Variants in RAB38 observed in about 807,000 individuals in gnomAD.
RAB38 encodes the protein RAB38, member RAS oncogene family, also known as ras-related protein Rab-38.
Under a neutral mutation model 18.4 loss-of-function variants are expected in RAB38, and 15 were observed. The ratio of observed to expected loss-of-function variants is 0.82; its 90% CI spans 0.55 to 1.26. RAB38 has a LOEUF of 1.26. RAB38 is among the 50% of genes most tolerant of loss of function. RAB38 has a pLI of 0.00. For missense variants in RAB38, 294 were observed against 267.4 expected, an observed-to-expected ratio of 1.10 and a Z score of -0.69; for synonymous variants, 101 against 104.4, an observed-to-expected ratio of 0.97 and a Z score of 0.20.
At chr11:87,815,196 C>T in the RAB38 span, 1 of 152,160 alleles carries the variant, frequency 6.6e-6, no homozygotes, top group Admixed American at 6.5e-5. Context: ...CCAGAAAAGG[C>T]ACTGACTTCA....
At chr11:88,079,995 A>G in the RAB38 span, among the ~76,000 whole-genome samples, 1 of 151,804 alleles carries the variant, frequency 6.6e-6, no homozygotes, top group African/African-American at 2.4e-5. Flanking sequence ...AGATAGGAAT[A>G]TATACTATCA....
At chr11:88,011,814 G>T in the RAB38 span, among the ~76,000 whole-genome samples, 1 of 152,174 alleles carries the variant, frequency 6.6e-6, no homozygotes, top group African/African-American at 2.4e-5. Context: ...AAGTCAGACA[G>T]TAGGTAAGCA....
At chr11:87,977,887 T>TTATATATTTATATATAATTATATA in the RAB38 span, among the ~76,000 whole-genome samples, 3 of 112,274 alleles carry the variant, frequency 2.7e-5, no homozygotes, top group East Asian at 2.6e-4. Flanking sequence ...AAAGATGTAG[T>TTATATATTTATATATAATTATATA]CATAGATTTA....
the RAB38 span, among the ~76,000 whole-genome samples, chr11:87,966,035 C>T: frequency 6.1e-4 from 92 of 151,988 alleles, no homozygotes; most frequent in Non-Finnish European, 8.4e-4. Context: ...GACATCAAGC[C>T]CAGGAAAGGT....
the RAB38 span, among the ~76,000 whole-genome samples, chr11:87,838,101 TTTTTTA>T: frequency 1.1e-4 from 16 of 150,462 alleles, no homozygotes; most frequent in African/African-American, 3.9e-4. Context: ...CTTACATTCT[TTTTTTA>T]TTTTTATTTT....
chr11:87,853,310 T>A, the RAB38 span, among the ~76,000 whole-genome samples: 1 of 152,164 alleles, frequency 6.6e-6, no homozygotes, highest in Non-Finnish European at 1.5e-5. Context: ...TAGGTTTAGA[T>A]GAGTTCATGA....
At chr11:87,899,683 A>G in the RAB38 span, among the ~76,000 whole-genome samples, 1 of 151,650 alleles carries the variant, frequency 6.6e-6, no homozygotes, top group Non-Finnish European at 1.5e-5. Context: ...AGATTCCCCT[A>G]TAAGCTCAGG....
rs1942510568 is a variant in RAB38, at chr11:88,113,942, G to A, written c.*46C>T. ...AATGGTAAAAATAGAGGCACAATTT[G>A]TGGAACAATGAGGTCATTCCTACCA... is the stretch of plus-strand genomic sequence containing the variant. On this transcript the variant is annotated 3_prime_UTR_variant, in exon 3 of 3. Coordinates refer to ENST00000243662, the MANE Select transcript of RAB38 (RefSeq NM_022337.3). The A allele has an allele frequency of 1.9e-6, 3 of 1,608,278 alleles. No individual in the cohort carries two copies. The highest frequency in any genetic ancestry group is 2.6e-6 in the Non-Finnish European group (3 of 1,174,964).
chr11:88,008,052 A>G, the RAB38 span, among the ~76,000 whole-genome samples: 1 of 152,108 alleles, frequency 6.6e-6, no homozygotes, highest in Non-Finnish European at 1.5e-5. Flanking sequence ...GTAAATCAGG[A>G]GAGTTGTGAC....
the RAB38 span, among the ~76,000 whole-genome samples, chr11:87,936,707 C>A: frequency 6.6e-6 from 1 of 151,948 alleles, no homozygotes; most frequent in Non-Finnish European, 1.5e-5. Context: ...TGTCTATAAC[C>A]ACAAAAAATC....
At chr11:87,895,261 G>C in the RAB38 span, among the ~76,000 whole-genome samples, 1 of 151,560 alleles carries the variant, frequency 6.6e-6, no homozygotes, top group Non-Finnish European at 1.5e-5. Flanking sequence ...ACACAGCACA[G>C]ATGATGGGGA....
the RAB38 span, among the ~76,000 whole-genome samples, chr11:88,055,464 G>C: frequency 7.2e-3 from 1,092 of 152,258 alleles, 14 homozygotes; most frequent in African/African-American, 0.025. Context: ...AGTTGAGATA[G>C]GTATGAAGAG....
At chr11:87,846,485 A>G in the RAB38 span, among the ~76,000 whole-genome samples, 1 of 152,084 alleles carries the variant, frequency 6.6e-6, no homozygotes, top group East Asian at 1.9e-4. Flanking sequence ...TAAGAAAAGT[A>G]AGATTACAAA....
chr11:87,875,388 T>A, the RAB38 span, among the ~76,000 whole-genome samples: 1 of 151,526 alleles, frequency 6.6e-6, no homozygotes, highest in African/African-American at 2.4e-5. Flanking sequence ...CCAAACACCA[T>A]TTATTGAAAA....
At chr11:87,898,407 T>C in the RAB38 span, among the ~76,000 whole-genome samples, 1 of 151,682 alleles carries the variant, frequency 6.6e-6, no homozygotes. Flanking sequence ...ATCTTCTCAA[T>C]GTATATGAAA....
chr11:87,923,534 G>C, the RAB38 span, among the ~76,000 whole-genome samples: 3 of 148,552 alleles, frequency 2.0e-5, no homozygotes, highest in East Asian at 5.9e-4. Context: ...TCCAATGTAA[G>C]AGTCAATTAA....
At chr11:87,971,922 G>GTT in the RAB38 span, among the ~76,000 whole-genome samples, 1 of 135,068 alleles carries the variant, frequency 7.4e-6, no homozygotes, top group African/African-American at 2.8e-5. Context: ...GTGTAAAAGC[G>GTT]TTTTTTTTTT....
At chr11:88,026,140 T>C in the RAB38 span, among the ~76,000 whole-genome samples, 2 of 152,078 alleles carry the variant, frequency 1.3e-5, no homozygotes, top group African/African-American at 2.4e-5. Flanking sequence ...AATTTTTGTA[T>C]TTTTAGTAGA....
the RAB38 span, among the ~76,000 whole-genome samples, chr11:88,091,847 G>A: frequency 1.3e-5 from 2 of 151,896 alleles, no homozygotes; most frequent in African/African-American, 2.4e-5. Flanking sequence ...CACAGGTAGT[G>A]TGCCCAGAGC....
Sources: gnomAD v4.1 joint callset for allele counts (sites outside exome capture counted in the v4.1 genomes callset) on GRCh38, gnomAD v4.1.1 for gene constraint, MANE v1.5 for transcripts, NCBI Gene and HGNC (gene_info 2026-07-23, HGNC 2026-07-21) for gene names.